The following IGF1R variants were observed in gnomAD, a reference collection of about 807,000 sequenced individuals.
IGF1R encodes the protein insulin-like growth factor 1 receptor.
A neutral mutation model predicts 144.6 loss-of-function variants in IGF1R; 44 were observed. The ratio of observed to expected loss-of-function variants is 0.30; its 90% CI spans 0.24 to 0.39. The LOEUF (loss-of-function observed/expected upper bound fraction) is 0.39, where lower values mean the gene tolerates loss of function less well. Among genes scored for constraint, IGF1R ranks in the 10% least tolerant of loss-of-function variants. IGF1R has a pLI of 1.00. For missense variants in IGF1R, 1,355 were observed against 1,833.7 expected (o/e 0.74, Z 4.77); for synonymous variants, 795 against 722.8 (o/e 1.10, Z -1.60).
chr15:98,802,454 A>ACCC (rs1398939340), intron 2 of IGF1R, among the ~76,000 whole-genome samples: 1 of 152,144 alleles, frequency 6.6e-6, no homozygotes, highest in African/African-American at 2.4e-5. Flanking sequence ...AGGTCATTGA[A>ACCC]CCCTACAGTC....
intron 20 of IGF1R, among the ~76,000 whole-genome samples, chr15:98,951,842 A>T (rs1596486078): frequency 1.3e-5 from 2 of 152,152 alleles, no homozygotes; most frequent in South Asian, 4.1e-4. Flanking sequence ...GGCCCATACG[A>T]CCTTGACTGT....
At chr15:98,649,984 G>C (rs1372003249) in intron 1 of IGF1R, among the ~76,000 whole-genome samples, 1 of 152,004 alleles carries the variant, frequency 6.6e-6, no homozygotes, top group Non-Finnish European at 1.5e-5. Flanking sequence ...AGGGAAGTTG[G>C]TGCCGGGGCG....
At chr15:98,747,459 G>T (rs982610428) in intron 2 of IGF1R, among the ~76,000 whole-genome samples, 2 of 152,188 alleles carry the variant, frequency 1.3e-5, no homozygotes, top group African/African-American at 4.8e-5. Flanking sequence ...GCCTCCCAAA[G>T]TGCTGGGATT....
Position 98,921,925 on chromosome 15 carries a change from G to C in IGF1R, c.2202-223G>C, listed in dbSNP as rs138915512. Among the ~76,000 whole-genome samples the C allele has an allele frequency of 5.2e-3, 787 of 152,216 alleles. 5 individuals are homozygous for C. The highest frequency in any genetic ancestry group is 0.012 in the African/African-American group (496 of 41,538). On this transcript the variant is annotated intron_variant, in intron 10 of 20. Coordinates refer to ENST00000650285, the MANE Select transcript of IGF1R (RefSeq NM_000875.5). ...ATCGAAGAACCACTCTGAGAGCCGG[G>C]GGGTGGGGGTGAGAGTTTGTGTGCC...
chr15:98,922,162 G>A lies in IGF1R; in HGVS notation c.2216G>A (p.Arg739Gln), dbSNP rs121912429. The change falls in exon 11 of 21, where the codon CGG (arginine) becomes CAG (glutamine). Residue 739 changes from arginine to glutamine, a missense_variant. Coordinates refer to ENST00000650285, the MANE Select transcript of IGF1R (RefSeq NM_000875.5). ...SIFVPRPERK[R>Q]RDVMQVANTT... The stretch of plus-strand genomic sequence containing the variant: ...CCTCCTTGCAGACCTGAAAGGAAGC[G>A]GAGAGATGTCATGCAAGTGGCCAAC... 4.3e-6 allele frequency: 7 copies of A among 1,614,046 alleles called. No homozygotes were observed. The highest frequency in any genetic ancestry group is 4.0e-5 in the African/African-American group (3 of 74,914).
chr15:98,929,654 G>GA lies in IGF1R; in HGVS notation c.2882dup (p.Arg962GlufsTer3). On this transcript the variant is annotated frameshift_variant, in exon 14 of 21. Coordinates refer to ENST00000650285, the MANE Select transcript of IGF1R (RefSeq NM_000875.5). LOFTEE classifies it high-confidence loss of function. ...GTGATTATGCTGTACGTCTTCCATAGAAAGAGGTCAGTGATGTGCAAAGTT... is the reference window on the plus strand; with the variant it reads ...GTGATTATGCTGTACGTCTTCCATAGAAAAGAGGTCAGTGATGTGCAAAGTT... The GA allele has an allele frequency of 6.2e-7, 1 of 1,610,738 alleles. No individual in the cohort carries two copies. Among genetic ancestry groups the GA allele is most frequent in the Non-Finnish European group, 8.5e-7 (1 of 1,176,876 alleles).
intron 1 of IGF1R, among the ~76,000 whole-genome samples, chr15:98,682,213 A>G (rs2053207516): frequency 6.6e-6 from 1 of 152,210 alleles, no homozygotes; most frequent in Non-Finnish European, 1.5e-5. Flanking sequence ...AAATCATATT[A>G]GGACTCTTTG....
At position 98,959,433 on chromosome 15, in the gene IGF1R, G is replaced by A. The variant is rs567057800; in HGVS notation, c.*1991G>A. The A allele has an allele frequency of 2.0e-4, 47 of 233,844 alleles. No individual in the cohort carries two copies. Among genetic ancestry groups the A allele is most frequent in the Middle Eastern group, 2.5e-3 (2 of 788 alleles). The allele number at this position is 233,844 out of a possible 1,614,324, so 14.5% of individuals were successfully genotyped here. A position where few individuals can be genotyped will look rare whatever the true frequency, so the allele number is the denominator to read the frequency against. ...CAGAACATCCCAAGGGAACTCCTTC[G>A]CACTGGCGTTGAGTGGGACCCCGGG... is the stretch of plus-strand genomic sequence containing the variant. On this transcript the variant is annotated 3_prime_UTR_variant, in exon 21 of 21. Coordinates refer to ENST00000650285, the MANE Select transcript of IGF1R (RefSeq NM_000875.5).
At position 98,957,288 on chromosome 15, in the gene IGF1R, C is replaced by G. The variant is rs775531453; in HGVS notation, c.3950C>G (p.Pro1317Arg). 3 of 1,613,862 alleles carry G rather than the reference C, an allele frequency of 1.9e-6. No homozygotes were observed. The East Asian group carries it at 6.7e-5, about 36-fold the overall frequency. Residue 1317 changes from proline to arginine, a missense_variant, in exon 21 of 21, where the codon CCC becomes CGC. This residue lies in a region of IGF1R where 219 missense variants were observed against 188.8 expected (regional missense o/e 1.16). Coordinates refer to ENST00000650285, the MANE Select transcript of IGF1R (RefSeq NM_000875.5). The part of the protein sequence containing the change: ...PSASSSSLPL[P>R]DRHSGHKAEN... ...GCCTCCTCGTCCTCCCTGCCACTGCCCGACAGACACTCAGGACACAAGGCC... is the reference window on the plus strand; with the variant it reads ...GCCTCCTCGTCCTCCCTGCCACTGCGCGACAGACACTCAGGACACAAGGCC...
At chr15:98,713,779 A>G (rs982205610) in intron 2 of IGF1R, among the ~76,000 whole-genome samples, 1 of 152,218 alleles carries the variant, frequency 6.6e-6, no homozygotes, top group Non-Finnish European at 1.5e-5. Context: ...TCCCACAAAA[A>G]AAACCCCAAC....
At chr15:98,777,181 C>A (rs1293895286) in intron 2 of IGF1R, among the ~76,000 whole-genome samples, 1 of 152,170 alleles carries the variant, frequency 6.6e-6, no homozygotes, top group Non-Finnish European at 1.5e-5. Context: ...TGTCCTGAAG[C>A]ACGCTCAATT....
chr15:98,879,111 G>T (rs1226980387), intron 2 of IGF1R, among the ~76,000 whole-genome samples: 2 of 152,184 alleles, frequency 1.3e-5, no homozygotes, highest in Non-Finnish European at 2.9e-5. Context: ...GGCCGGTCCA[G>T]CCTGGATTTC....
chr15:98,660,819 A>G (rs2052581649), intron 1 of IGF1R, among the ~76,000 whole-genome samples: 3 of 152,200 alleles, frequency 2.0e-5, no homozygotes, highest in South Asian at 4.1e-4. Context: ...GATAAGATGT[A>G]ATGAATAATT....
chr15:98,946,062 T>C (rs891687076), intron 19 of IGF1R, among the ~76,000 whole-genome samples: 1 of 151,986 alleles, frequency 6.6e-6, no homozygotes, highest in Non-Finnish European at 1.5e-5. Flanking sequence ...GTCCTGGTCC[T>C]GGAAGGATAA....
At chr15:98,653,503 C>T (rs1481518331) in intron 1 of IGF1R, among the ~76,000 whole-genome samples, 5 of 152,174 alleles carry the variant, frequency 3.3e-5, no homozygotes, top group Non-Finnish European at 5.9e-5. Context: ...TTATTTCTTA[C>T]ATAGTTCCAG....
chr15:98,930,394 G>T, intron 15 of IGF1R, 89 bp downstream of exon 15: 1 of 836,598 alleles, frequency 1.2e-6, no homozygotes. Flanking sequence ...AAAGGAAGGA[G>T]GTTTGCATTA....
chr15:98,951,713 G>A lies in IGF1R; in HGVS notation c.3722+3005G>A, dbSNP rs57163192. 3.9e-4 allele frequency among the ~76,000 whole-genome samples: 60 copies of A among 152,312 alleles called. No homozygotes were observed. In the East Asian group the frequency reaches 8.7e-3, roughly 22 times the overall value. ...CCCTGCATGAATCGCCCTGTTCTACGTGGGCCTCTCCGTAGCACTGCCCAA... is the reference window on the plus strand; with the variant it reads ...CCCTGCATGAATCGCCCTGTTCTACATGGGCCTCTCCGTAGCACTGCCCAA... On this transcript the variant is annotated intron_variant, in intron 20 of 20. Transcript: ENST00000650285.
intron 2 of IGF1R, among the ~76,000 whole-genome samples, chr15:98,826,710 C>T (rs1357964818): frequency 2.0e-5 from 3 of 152,166 alleles, no homozygotes; most frequent in Non-Finnish European, 2.9e-5. Context: ...TTATCAGTGA[C>T]ATATGTAAAT....
At chr15:98,895,178 A>C (rs1247434879) in intron 3 of IGF1R, among the ~76,000 whole-genome samples, 2 of 150,584 alleles carry the variant, frequency 1.3e-5, no homozygotes, top group African/African-American at 4.9e-5. Flanking sequence ...TCTTGATTGT[A>C]GTTGTGATTA....
Sources: allele counts gnomAD v4.1 joint callset (sites outside exome capture counted in the v4.1 genomes callset), GRCh38; gene constraint gnomAD v4.1.1; regional missense constraint gnomAD v4.1.1; transcripts MANE v1.5; gene names NCBI Gene and HGNC (gene_info 2026-07-23, HGNC 2026-07-21).